DLGAP1: variants seen among roughly 807,000 people sequenced by gnomAD.
DLGAP1 encodes DLG associated protein 1.
DLGAP1 carries 11 observed loss-of-function variants against 90.8 expected under a neutral mutation model. The ratio of observed to expected loss-of-function variants is 0.12; its 90% CI spans 0.08 to 0.20. DLGAP1 has a LOEUF of 0.20. Ranked by LOEUF, DLGAP1 falls within the 10% of genes least tolerant of loss-of-function variation. The probability of loss-of-function intolerance (pLI) is 1.00; values close to 1 mark genes in which losing one functional copy is unlikely to be tolerated. For synonymous variants in DLGAP1, 558 were observed against 540.7 expected, an observed-to-expected ratio of 1.03 and a Z score of -0.44; for missense variants, 1,050 against 1,333.8, an observed-to-expected ratio of 0.79 and a Z score of 3.31.
At chr18:3,795,992 G>A (rs191056772) in intron 5 of DLGAP1, among the ~76,000 whole-genome samples, 16 of 152,228 alleles carry the variant, frequency 1.1e-4, no homozygotes, top group Middle Eastern at 3.4e-3. Context: ...GATGCTATCC[G>A]ATGGTCAAAG....
chr18:3,940,987 G>T (rs563983549), intron 3 of DLGAP1, among the ~76,000 whole-genome samples: 1 of 152,272 alleles, frequency 6.6e-6, no homozygotes, highest in Non-Finnish European at 1.5e-5. Context: ...GATCCTGTTG[G>T]TCTATTGAGC....
chr18:3,639,906 C>T (rs544698496), intron 7 of DLGAP1, among the ~76,000 whole-genome samples: 41 of 146,056 alleles, frequency 2.8e-4, no homozygotes, highest in Non-Finnish European at 4.4e-4. Context: ...AGGCGCCCGC[C>T]ACCACACCCG....
At chr18:3,541,233 AAGAGAG>A (rs972074818) in intron 9 of DLGAP1, among the ~76,000 whole-genome samples, 1 of 152,148 alleles carries the variant, frequency 6.6e-6, no homozygotes. Context: ...AAAAGGAAGA[AAGAGAG>A]AGAGAAAGAG....
intron 9 of DLGAP1, among the ~76,000 whole-genome samples, chr18:3,556,964 T>C (rs911932928): frequency 6.6e-6 from 1 of 152,214 alleles, no homozygotes; most frequent in African/African-American, 2.4e-5. Flanking sequence ...AGGCTTATCA[T>C]TTTATTAATT....
chr18:3,992,816 A>C (rs2073994814), intron 3 of DLGAP1, among the ~76,000 whole-genome samples: 1 of 152,172 alleles, frequency 6.6e-6, no homozygotes, highest in Non-Finnish European at 1.5e-5. Context: ...AATAACTATC[A>C]AGGTTATTTG....
At chr18:3,676,914 T>C (rs2146833227) in intron 7 of DLGAP1, among the ~76,000 whole-genome samples, 1 of 152,314 alleles carries the variant, frequency 6.6e-6, no homozygotes, top group Non-Finnish European at 1.5e-5. Flanking sequence ...TTCATGTGTA[T>C]TGACATACTT....
intron 2 of DLGAP1, among the ~76,000 whole-genome samples, chr18:4,050,044 C>A (rs72871108): frequency 0.25 from 38,761 of 152,078 alleles, 5,071 homozygotes; most frequent in Middle Eastern, 0.38. Context: ...ACAATGGTTT[C>A]TAAGACAGAT....
chr18:4,271,454 G>A (rs997229759), intron 1 of DLGAP1, among the ~76,000 whole-genome samples: 1 of 152,132 alleles, frequency 6.6e-6, no homozygotes, highest in African/African-American at 2.4e-5. Context: ...TATTATGAAT[G>A]AAAGAATACT....
chr18:4,063,671 A>C (rs2075331559), intron 2 of DLGAP1, among the ~76,000 whole-genome samples: 1 of 152,100 alleles, frequency 6.6e-6, no homozygotes, highest in Non-Finnish European at 1.5e-5. Flanking sequence ...TTTACTATCT[A>C]TTCTCACTAA....
At position 3,939,416 on chromosome 18, in the gene DLGAP1, C is replaced by CAA. The variant is rs10591716; in HGVS notation, c.-72-59278_-72-59277dup. On this transcript the variant is annotated intron_variant, in intron 3 of 12. Coordinates refer to ENST00000315677, the MANE Select transcript of DLGAP1 (RefSeq NM_004746.4). ...TGGGTGACAGAGTGAGATTCTGTCTCAAAAAAAAAAAAAAAAAAAAAAACC... is the reference window on the plus strand; with the variant it reads ...TGGGTGACAGAGTGAGATTCTGTCTCAAAAAAAAAAAAAAAAAAAAAAAAACC... Among the ~76,000 whole-genome samples the CAA allele has an allele frequency of 2.7e-3, 220 of 81,958 alleles. 1 individual carries two copies. Among genetic ancestry groups the CAA allele is most frequent in the African/African-American group, 5.1e-3 (103 of 20,258 alleles). 53.8% of individuals were successfully genotyped at this position (81,958 alleles called of 152,430 possible).
intron 1 of DLGAP1, among the ~76,000 whole-genome samples, chr18:4,442,102 C>T (rs763246533): frequency 3.3e-5 from 5 of 152,346 alleles, no homozygotes; most frequent in Non-Finnish European, 7.3e-5. Context: ...AGCAATTCTT[C>T]TGCCTCAGTC....
rs576162799 is a variant in DLGAP1, at chr18:4,383,235, T to C, written c.-267+71771A>G. 4.5e-4 allele frequency among the ~76,000 whole-genome samples: 68 copies of C among 152,316 alleles called. 2 individuals are homozygous for C. Among genetic ancestry groups the C allele is most frequent in the African/African-American group, 1.5e-3 (64 of 41,582 alleles). Reference sequence around the variant, plus strand: ...TACCTGGGGAATAATGTTCTAATATTCATCTAACTGAAAGGTCATTATCTC... The same window carrying C: ...TACCTGGGGAATAATGTTCTAATATCCATCTAACTGAAAGGTCATTATCTC... On this transcript the variant is annotated intron_variant, in intron 1 of 12. Transcript: ENST00000315677. The surrounding 1 kb of genome is among the most constrained non-coding windows in gnomAD (Gnocchi z 4.0).
intron 5 of DLGAP1, among the ~76,000 whole-genome samples, chr18:3,770,515 AAC>A (rs1184422332): frequency 6.6e-6 from 1 of 152,186 alleles, no homozygotes; most frequent in Non-Finnish European, 1.5e-5. Context: ...TGTGCCATGA[AAC>A]ACAGATGAAT....
chr18:4,088,929 A>G (rs891071701), intron 2 of DLGAP1, among the ~76,000 whole-genome samples: 2 of 152,184 alleles, frequency 1.3e-5, no homozygotes, highest in South Asian at 2.1e-4. Context: ...CCTATTCAAC[A>G]TAGTGTTGGA....
At chr18:3,713,814 G>A (rs1039311320) in intron 7 of DLGAP1, among the ~76,000 whole-genome samples, 4 of 152,158 alleles carry the variant, frequency 2.6e-5, no homozygotes, top group Non-Finnish European at 4.4e-5. Context: ...GGGTGTCCAC[G>A]GTGGGACTGC....
intron 1 of DLGAP1, among the ~76,000 whole-genome samples, chr18:4,423,022 C>T (rs928631472): frequency 1.5e-4 from 23 of 151,982 alleles, no homozygotes; most frequent in African/African-American, 5.6e-4. Context: ...AATACGTCTT[C>T]CAAGATATTT....
intron 1 of DLGAP1, among the ~76,000 whole-genome samples, chr18:4,440,430 T>C (rs989594132): frequency 6.6e-6 from 1 of 152,206 alleles, no homozygotes; most frequent in Non-Finnish European, 1.5e-5. Context: ...GATTTAACAG[T>C]GGTTAAACCT....
chr18:3,514,030 A>G (rs903447712), intron 10 of DLGAP1, among the ~76,000 whole-genome samples: 1 of 152,060 alleles, frequency 6.6e-6, no homozygotes, highest in African/African-American at 2.4e-5. Flanking sequence ...CATAATTAGC[A>G]TATGCATCCT....
At chr18:3,932,195 T>A (rs891709011) in intron 3 of DLGAP1, among the ~76,000 whole-genome samples, 1 of 152,146 alleles carries the variant, frequency 6.6e-6, no homozygotes, top group East Asian at 1.9e-4. Context: ...AGGGCCCTTT[T>A]TAAAGGGCCC....
Sources: allele counts gnomAD v4.1 joint callset (sites outside exome capture counted in the v4.1 genomes callset), GRCh38; gene constraint gnomAD v4.1.1; non-coding constraint Gnocchi (gnomAD v3.1); transcripts MANE v1.5; gene names NCBI Gene and HGNC (gene_info 2026-07-23, HGNC 2026-07-21).